The following TSPEAR variants were observed in gnomAD, a reference collection of about 807,000 sequenced individuals.
TSPEAR encodes the protein thrombospondin type laminin G domain and EAR repeats.
Under a neutral mutation model 71.6 loss-of-function variants are expected in TSPEAR, and 69 were observed. The ratio of observed to expected loss-of-function variants is 0.96; its 90% CI spans 0.79 to 1.18. The LOEUF is 1.18. TSPEAR is among the 50% of genes most tolerant of loss of function. The probability of loss-of-function intolerance (pLI) is 0.00; values close to 1 mark genes in which losing one functional copy is unlikely to be tolerated. For missense variants in TSPEAR, 971 were observed against 894.9 expected (o/e 1.09, Z -1.09); for synonymous variants, 402 against 387.2 (o/e 1.04, Z -0.45).
intron 1 of TSPEAR, among the ~76,000 whole-genome samples, chr21:44,641,779 G>C (rs1984033479): frequency 6.6e-6 from 1 of 152,218 alleles, no homozygotes. Context: ...AGATGCATTG[G>C]TGGCCCAGCC....
intron 7 of TSPEAR, 24 bp from the exon 8 acceptor site, chr21:44,525,863 A>C: frequency 6.2e-7 from 1 of 1,612,970 alleles, no homozygotes; most frequent in Non-Finnish European, 8.5e-7. Flanking sequence ...AACCGGGACC[A>C]CGTGGTTCTG....
intron 1 of TSPEAR, chr21:44,702,398 C>T (rs896914191): frequency 3.2e-5 from 33 of 1,029,494 alleles, no homozygotes; most frequent in African/African-American, 1.7e-4. Context: ...AGCTCCTGCA[C>T]GCCCTTGTGC....
At chr21:44,514,238 T>A (rs1156473066) in intron 9 of TSPEAR, among the ~76,000 whole-genome samples, 1 of 151,890 alleles carries the variant, frequency 6.6e-6, no homozygotes, top group Non-Finnish European at 1.5e-5. Context: ...CTCATGAGGG[T>A]GCTTAGGGGC....
chr21:44,507,816 GAC>G (rs1240438982), intron 10 of TSPEAR, among the ~76,000 whole-genome samples: 2 of 152,198 alleles, frequency 1.3e-5, no homozygotes, highest in Admixed American at 1.3e-4. Context: ...TCGTGCTGGG[GAC>G]ACACAACTGC....
chr21:44,544,612 A>C (rs1225239394), intron 2 of TSPEAR, among the ~76,000 whole-genome samples: 1 of 152,224 alleles, frequency 6.6e-6, no homozygotes, highest in African/African-American at 2.4e-5. Flanking sequence ...AGCTTGTTTT[A>C]TTAGGCCATC....
intron 11 of TSPEAR, among the ~76,000 whole-genome samples, chr21:44,500,280 CT>C (rs1207976765): frequency 6.6e-6 from 1 of 152,222 alleles, no homozygotes; most frequent in African/African-American, 2.4e-5. Context: ...CAGGGCCCCC[CT>C]CAAACACACG....
At chr21:44,706,004 G>A (rs1396174671) in intron 1 of TSPEAR, among the ~76,000 whole-genome samples, 2 of 152,094 alleles carry the variant, frequency 1.3e-5, no homozygotes, top group African/African-American at 4.8e-5. Context: ...TCTCTCTTTT[G>A]TACTCTGTCC....
Position 44,551,053 on chromosome 21 carries a change from A to T in TSPEAR, c.303+16732T>A, listed in dbSNP as rs587609542. The T allele has an allele frequency of 3.7e-6, 6 of 1,612,116 alleles. No individual in the cohort carries two copies. In the East Asian group the frequency reaches 8.9e-5, roughly 24 times the overall value. On this transcript the variant is annotated intron_variant, in intron 2 of 11. Coordinates refer to ENST00000323084, the MANE Select transcript of TSPEAR (RefSeq NM_144991.3). ...ACAGGCACACGGCAGGACTGCTGGC[A>T]GGAGGAAGAGGCACAGCAAGCTGGC...
chr21:44,512,674 A>G (rs1313232641), intron 9 of TSPEAR, among the ~76,000 whole-genome samples: 1 of 152,140 alleles, frequency 6.6e-6, no homozygotes, highest in Non-Finnish European at 1.5e-5. Context: ...CCTCCAGGGC[A>G]GGGATTGTGC....
intron 1 of TSPEAR, chr21:44,677,958 G>A: frequency 7.7e-7 from 1 of 1,301,044 alleles, no homozygotes. Flanking sequence ...AATGTTGCCA[G>A]TAGTCAACCA....
At chr21:44,540,887 CA>C (rs1357496844) in intron 2 of TSPEAR, among the ~76,000 whole-genome samples, 2 of 152,174 alleles carry the variant, frequency 1.3e-5, no homozygotes. Context: ...TGAACTGGCC[CA>C]TGGATTTGGT....
intron 1 of TSPEAR, chr21:44,658,071 A>G: frequency 1.2e-6 from 2 of 1,613,604 alleles, no homozygotes; most frequent in Non-Finnish European, 1.7e-6. Context: ...GTGAGCTGCC[A>G]GTCCTCCGTG....
chr21:44,590,134 G>A (rs188494290), intron 1 of TSPEAR, among the ~76,000 whole-genome samples: 11 of 152,382 alleles, frequency 7.2e-5, no homozygotes, highest in Admixed American at 1.3e-4. Context: ...GTGGGACTCC[G>A]GGAGGTCCTC....
At chr21:44,537,958 C>G (rs2053117658) in intron 2 of TSPEAR, among the ~76,000 whole-genome samples, 1 of 152,214 alleles carries the variant, frequency 6.6e-6, no homozygotes, top group South Asian at 2.1e-4. Context: ...GAGCCGGGGT[C>G]ACGCGGGGTC....
intron 2 of TSPEAR, among the ~76,000 whole-genome samples, chr21:44,553,103 G>A (rs1201909176): frequency 6.6e-6 from 1 of 152,272 alleles, no homozygotes; most frequent in Non-Finnish European, 1.5e-5. Context: ...TGATGATGAA[G>A]CTGGTGAGGT....
rs1450961972 is a variant in TSPEAR, at chr21:44,580,155, C to T, written c.83-12150G>A. On this transcript the variant is annotated intron_variant, in intron 1 of 11. Transcript: ENST00000323084. ...GAGGAATCCTCAGAACAGGTGGGCA[C>T]ACAGCACACGGGCTTGCAGCAGACA... 10 of 1,605,956 alleles carry T rather than the reference C, an allele frequency of 6.2e-6. No homozygotes were observed. The African/African-American group carries it at 1.3e-4, about 20-fold the overall frequency.
At chr21:44,689,739 A>ATATATTTTTT (rs1555949531) in intron 1 of TSPEAR, among the ~76,000 whole-genome samples, 1 of 128,172 alleles carries the variant, frequency 7.8e-6, no homozygotes, top group African/African-American at 3.2e-5. Context: ...ATATATATAT[A>ATATATTTTTT]TTTTGGGGGG....
Position 44,558,096 on chromosome 21 carries a change from G to C in TSPEAR, c.303+9689C>G, listed in dbSNP as rs587627364. On this transcript the variant is annotated intron_variant, in intron 2 of 11. Transcript: ENST00000323084. The stretch of plus-strand genomic sequence containing the variant: ...TGAGGAGAGGCCGCAGCACGCGGAA[G>C]AGAGGCGGGAGCACGTGGGGCGGCA... The C allele has an allele frequency of 2.9e-5, 46 of 1,609,154 alleles. No individual in the cohort carries two copies. In the East Asian group the frequency reaches 9.6e-4, roughly 34 times the overall value.
chr21:44,635,203 G>A (rs1331490324), intron 1 of TSPEAR, among the ~76,000 whole-genome samples: 2 of 151,946 alleles, frequency 1.3e-5, no homozygotes, highest in African/African-American at 4.8e-5. Context: ...AAAATTAGCT[G>A]GGTGTGGTGG....
Sources: allele counts gnomAD v4.1 joint callset (sites outside exome capture counted in the v4.1 genomes callset), GRCh38; gene constraint gnomAD v4.1.1; transcripts MANE v1.5; gene names NCBI Gene and HGNC (gene_info 2026-07-23, HGNC 2026-07-21).